MRPS27: variants seen among roughly 807,000 people sequenced by gnomAD.
MRPS27 encodes the protein mitochondrial ribosomal protein S27.
In MRPS27, 43 loss-of-function variants were observed where a neutral mutation model predicts 48.9. The ratio of observed to expected loss-of-function variants is 0.88; its 90% CI spans 0.69 to 1.13. The LOEUF (loss-of-function observed/expected upper bound fraction) is 1.13. Among genes scored for constraint, MRPS27 ranks in the 50% most tolerant of loss-of-function variants. The pLI is 0.00. For synonymous variants in MRPS27, 188 were observed against 171.9 expected, an observed-to-expected ratio of 1.09 and a Z score of -0.73; for missense variants, 467 against 476.3, an observed-to-expected ratio of 0.98 and a Z score of 0.18.
intron 2 of MRPS27, among the ~76,000 whole-genome samples, chr5:72,305,921 T>C (rs1055066116): frequency 2.6e-5 from 4 of 152,204 alleles, no homozygotes; most frequent in Non-Finnish European, 4.4e-5. Context: ...ATGCTTTAAC[T>C]CAGTGTTTAT....
Position 72,232,456 on chromosome 5 carries a change from T to C in MRPS27, c.578A>G (p.Lys193Arg). 2.5e-6 allele frequency: 4 copies of C among 1,611,344 alleles called. No homozygotes were observed. Among genetic ancestry groups the C allele is most frequent in the Non-Finnish European group, 3.4e-6 (4 of 1,178,028 alleles). ...LYVLFHCLAK[K>R]TDFSWEEERN... ...AAGATCACTTACACTGAAGTCTGTC[T>C]TCTTTGCCAGGCAATGAAATAAAAC... The change falls in exon 7 of 11, where the codon AAG (lysine) becomes AGG (arginine). Residue 193 changes from lysine to arginine, a missense_variant. Physicochemically the swap from Lys to Arg is conservative, Grantham distance 26 (BLOSUM62 2). Coordinates refer to ENST00000261413, the MANE Select transcript of MRPS27 (RefSeq NM_015084.3).
At chr5:72,308,522 C>G (rs771412092) in intron 2 of MRPS27, among the ~76,000 whole-genome samples, 1 of 152,316 alleles carries the variant, frequency 6.6e-6, no homozygotes, top group East Asian at 1.9e-4. Flanking sequence ...GCACGCTACC[C>G]GACAGCCCCG....
At position 72,232,169 on chromosome 5, in the gene MRPS27, G is replaced by A. The variant is rs116237461; in HGVS notation, c.591+274C>T. 3.7e-3 allele frequency among the ~76,000 whole-genome samples: 567 copies of A among 152,254 alleles called. 1 individual carries two copies. The highest frequency in any genetic ancestry group is 0.013 in the African/African-American group (551 of 41,572). ...TTTGACATGCCATGTCCAGCTCTCA[G>A]TGACTACCAATGACCCATTTCTGAA... On this transcript the variant is annotated intron_variant, in intron 7 of 10. Coordinates refer to ENST00000261413, the MANE Select transcript of MRPS27 (RefSeq NM_015084.3).
chr5:72,296,384 TG>T (rs1749980196), intron 3 of MRPS27, among the ~76,000 whole-genome samples: 1 of 152,234 alleles, frequency 6.6e-6, no homozygotes, highest in Non-Finnish European at 1.5e-5. Context: ...ATATAAAATG[TG>T]GTTCAAACAC....
At chr5:72,258,237 CAT>C (rs1748865786) in intron 4 of MRPS27, among the ~76,000 whole-genome samples, 1 of 152,086 alleles carries the variant, frequency 6.6e-6, no homozygotes, top group African/African-American at 2.4e-5. Context: ...AAAACCCACA[CAT>C]ATAGGAGAAG....
chr5:72,251,454 C>T lies in MRPS27; in HGVS notation c.282-13326G>A, dbSNP rs569299795. Among the ~76,000 whole-genome samples the T allele has an allele frequency of 2.6e-5, 4 of 152,218 alleles. No individual in the cohort carries two copies. The South Asian group carries it at 8.3e-4, about 32-fold the overall frequency. The stretch of plus-strand genomic sequence containing the variant: ...CTAGGAAGGAGAAGCAAGGGGATGA[C>T]CTAAGGAGGAGTCAATTTACCTATC... On this transcript the variant is annotated intron_variant, in intron 4 of 10. Coordinates refer to ENST00000261413, the MANE Select transcript of MRPS27 (RefSeq NM_015084.3).
chr5:72,221,427 A>C (rs925704606), intron 10 of MRPS27, among the ~76,000 whole-genome samples: 3 of 152,170 alleles, frequency 2.0e-5, no homozygotes, highest in African/African-American at 4.8e-5. Flanking sequence ...AATTTTGCTA[A>C]GATGCACCAC....
At chr5:72,277,403 T>C (rs1181257928) in intron 4 of MRPS27, among the ~76,000 whole-genome samples, 3 of 151,888 alleles carry the variant, frequency 2.0e-5, no homozygotes, top group Admixed American at 2.0e-4. Context: ...ATTATAAAGA[T>C]ACACATCCTG....
At chr5:72,226,978 GA>G (rs1286095728) in intron 8 of MRPS27, 1 of 152,238 alleles carries the variant, frequency 6.6e-6, no homozygotes, top group Non-Finnish European at 1.5e-5. Flanking sequence ...TCTTTCCTGG[GA>G]AGGAGGATTT....
At chr5:72,303,830 C>T (rs1322384452) in intron 2 of MRPS27, among the ~76,000 whole-genome samples, 4 of 130,984 alleles carry the variant, frequency 3.1e-5, no homozygotes, top group African/African-American at 1.1e-4. Flanking sequence ...GGGAGGATCA[C>T]TTAAGCCCAG....
chr5:72,259,619 T>C (rs1031624866), intron 4 of MRPS27, among the ~76,000 whole-genome samples: 1 of 152,062 alleles, frequency 6.6e-6, no homozygotes, highest in East Asian at 1.9e-4. Context: ...TACAGAGAAA[T>C]AAAAATCACT....
chr5:72,318,192 A>T (rs962442820), intron 1 of MRPS27, among the ~76,000 whole-genome samples: 1 of 152,188 alleles, frequency 6.6e-6, no homozygotes, highest in Non-Finnish European at 1.5e-5. Context: ...AACGCAATGT[A>T]AGTGGTTGTC....
At chr5:72,251,884 T>G (rs182640284) in intron 4 of MRPS27, among the ~76,000 whole-genome samples, 2 of 152,270 alleles carry the variant, frequency 1.3e-5, no homozygotes, top group African/African-American at 4.8e-5. Context: ...AGAACCCCCT[T>G]TTCCATCACG....
At chr5:72,245,538 A>C (rs1190720982) in intron 4 of MRPS27, among the ~76,000 whole-genome samples, 1 of 152,222 alleles carries the variant, frequency 6.6e-6, no homozygotes, top group African/African-American at 2.4e-5. Flanking sequence ...ATATTAATTA[A>C]ACACTGGTTT....
At chr5:72,278,746 CATT>C (rs1038348543) in intron 4 of MRPS27, among the ~76,000 whole-genome samples, 4 of 151,848 alleles carry the variant, frequency 2.6e-5, no homozygotes, top group African/African-American at 9.7e-5. Context: ...TTTTTTTACT[CATT>C]ATGTTTTGAG....
intron 4 of MRPS27, chr5:72,241,673 T>A (rs751848125): frequency 1.4e-4 from 221 of 1,535,426 alleles, no homozygotes; most frequent in Non-Finnish European, 1.8e-4. Context: ...GATTGCTGGA[T>A]GAGCATTCTC....
At chr5:72,232,762 A>T (rs1400334540) in intron 6 of MRPS27, among the ~76,000 whole-genome samples, 1 of 152,188 alleles carries the variant, frequency 6.6e-6, no homozygotes, top group Non-Finnish European at 1.5e-5. Context: ...TATTTTACAT[A>T]CCAGAACGAA....
intron 4 of MRPS27, 59 bp downstream of exon 4, chr5:72,295,472 T>C: frequency 1.5e-6 from 2 of 1,300,952 alleles, no homozygotes; most frequent in South Asian, 1.3e-5. Context: ...TACCAACTTT[T>C]ATGTAAAAAA....
intron 2 of MRPS27, among the ~76,000 whole-genome samples, chr5:72,312,738 A>T (rs1316157584): frequency 1.3e-5 from 2 of 150,734 alleles, no homozygotes; most frequent in Non-Finnish European, 2.9e-5. Context: ...CTCCTGCCTC[A>T]GCCTCCGGAG....
Sources: allele counts gnomAD v4.1 joint callset (sites outside exome capture counted in the v4.1 genomes callset), GRCh38; gene constraint gnomAD v4.1.1; transcripts MANE v1.5; gene names NCBI Gene and HGNC (gene_info 2026-07-23, HGNC 2026-07-21).